Variants in NFKB1 observed in about 807,000 individuals in gnomAD.
NFKB1 encodes nuclear factor NF-kappa-B p105 subunit.
NFKB1 carries 9 observed loss-of-function variants against 105.1 expected under a neutral mutation model. The ratio of observed to expected loss-of-function variants is 0.09; its 90% CI spans 0.05 to 0.15. The LOEUF (loss-of-function observed/expected upper bound fraction) is 0.15. NFKB1 is among the 10% of genes least tolerant of loss of function. The pLI, the probability that NFKB1 is intolerant of heterozygous loss-of-function variation, is 1.00. For synonymous variants in NFKB1, 440 were observed against 442.2 expected, an observed-to-expected ratio of 1.00 and a Z score of 0.06; for missense variants, 830 against 1,203.7, an observed-to-expected ratio of 0.69 and a Z score of 4.59.
intron 5 of NFKB1, among the ~76,000 whole-genome samples, chr4:102,542,997 A>G (rs1042995512): frequency 1.3e-5 from 2 of 152,162 alleles, no homozygotes; most frequent in African/African-American, 4.8e-5. Flanking sequence ...CTGCCTATAA[A>G]ATTTCCCTTT....
At chr4:102,580,912 T>C (rs1725268240) in intron 9 of NFKB1, among the ~76,000 whole-genome samples, 1 of 152,366 alleles carries the variant, frequency 6.6e-6, no homozygotes, top group South Asian at 2.1e-4. Flanking sequence ...TCAGTATCTT[T>C]ATACATTAAA....
chr4:102,548,969 T>C (rs928490336), intron 5 of NFKB1, among the ~76,000 whole-genome samples: 2 of 152,118 alleles, frequency 1.3e-5, no homozygotes, highest in Admixed American at 6.6e-5. Context: ...ATGTGAATTC[T>C]GGGGGTACAC....
intron 1 of NFKB1, among the ~76,000 whole-genome samples, chr4:102,516,025 C>A (rs1349879134): frequency 6.6e-6 from 1 of 151,472 alleles, no homozygotes; most frequent in African/African-American, 2.4e-5. Context: ...CTGGACCAAT[C>A]TTTTTTTTTC....
rs190582302 is a variant in NFKB1, at chr4:102,515,862, C to T, written c.-7-9650C>T. ...TATTGATGCTTTTTATTCTTTCATA[C>T]AGGTCCAAGTGTCTATCATTTCCCT... On this transcript the variant is annotated intron_variant, in intron 1 of 23. Coordinates refer to ENST00000226574, the MANE Select transcript of NFKB1 (RefSeq NM_003998.4). 4.3e-4 allele frequency among the ~76,000 whole-genome samples: 66 copies of T among 152,290 alleles called. 1 individual carries two copies. Among genetic ancestry groups the T allele is most frequent in the Admixed American group, 3.5e-3 (54 of 15,298 alleles).
intron 1 of NFKB1, among the ~76,000 whole-genome samples, chr4:102,513,574 C>T (rs982972736): frequency 6.6e-6 from 1 of 152,098 alleles, no homozygotes; most frequent in African/African-American, 2.4e-5. Flanking sequence ...TCCCTGTCCC[C>T]CATGATTATA....
intron 16 of NFKB1, among the ~76,000 whole-genome samples, chr4:102,604,774 T>C (rs3774967): frequency 0.31 from 47,455 of 151,626 alleles, 7,787 homozygotes; most frequent in East Asian, 0.42. Flanking sequence ...TGGATTTGTG[T>C]CAGAATTTCA....
chr4:102,585,217 G>C (rs1610152), intron 11 of NFKB1, among the ~76,000 whole-genome samples: 8,918 of 152,186 alleles, frequency 0.059, 296 homozygotes, highest in African/African-American at 0.095. Context: ...AAGAGGACAA[G>C]CTAATTAGAA....
At chr4:102,555,701 G>C (rs577296185) in intron 5 of NFKB1, among the ~76,000 whole-genome samples, 3 of 152,202 alleles carry the variant, frequency 2.0e-5, no homozygotes, top group Admixed American at 2.0e-4. Flanking sequence ...CTCTGAGATC[G>C]AATGGAGAAT....
At chr4:102,571,515 G>A (rs1374086272) in intron 6 of NFKB1, among the ~76,000 whole-genome samples, 1 of 152,054 alleles carries the variant, frequency 6.6e-6, no homozygotes, top group Non-Finnish European at 1.5e-5. Flanking sequence ...CTTCTCCGCA[G>A]CAAAAGAAAC....
chr4:102,507,224 C>T (rs1467917067), intron 1 of NFKB1, among the ~76,000 whole-genome samples: 1 of 151,936 alleles, frequency 6.6e-6, no homozygotes, highest in Non-Finnish European at 1.5e-5. Context: ...AGGCACTCTG[C>T]CTGTGACTTC....
In NFKB1 at chr4:102,579,000, C is replaced by G; in HGVS notation, c.691C>G (p.Arg231Gly). 6.2e-7 allele frequency: 1 copy of G among 1,614,068 alleles called. No homozygotes were observed. Among genetic ancestry groups the G allele is most frequent in the Non-Finnish European group, 8.5e-7 (1 of 1,179,990 alleles). ...LPDSTGSFTR[R>G]LEPVVSDAIY... ...GGATAGCACTGGCAGCTTCACAAGG[C>G]GCCTGGAACCCGTGGTATCAGACGC... Residue 231 changes from arginine (R) to glycine (G), a missense_variant, in exon 8 of 24, where the codon CGC (arginine) becomes GGC (glycine). Around this residue, in one of 8 missense-constraint regions of NFKB1, gnomAD observed 80 missense variants for 122.6 expected, o/e 0.65. Transcript: ENST00000226574.
intron 11 of NFKB1, among the ~76,000 whole-genome samples, chr4:102,586,824 G>A (rs1725747897): frequency 1.3e-5 from 2 of 152,204 alleles, no homozygotes; most frequent in Admixed American, 6.5e-5. Context: ...AACCGCAAAG[G>A]TGCAGCAGCA....
intron 1 of NFKB1, among the ~76,000 whole-genome samples, chr4:102,511,424 C>T (rs1413879134): frequency 6.6e-6 from 1 of 152,158 alleles, no homozygotes; most frequent in Non-Finnish European, 1.5e-5. Flanking sequence ...TCTGTAATCC[C>T]AGTACTTCAG....
chr4:102,515,336 T>C (rs878953323), intron 1 of NFKB1, among the ~76,000 whole-genome samples: 2 of 151,476 alleles, frequency 1.3e-5, no homozygotes, highest in East Asian at 3.9e-4. Context: ...GGTCTCGATC[T>C]CCTGACCTCG....
chr4:102,573,553 C>T (rs1308361609), intron 6 of NFKB1, among the ~76,000 whole-genome samples: 9 of 151,886 alleles, frequency 5.9e-5, no homozygotes, highest in East Asian at 1.9e-4. Flanking sequence ...TGGGGTTCAT[C>T]GAGATCCTTA....
At chr4:102,609,153 T>A (rs1728123178) in intron 19 of NFKB1, among the ~76,000 whole-genome samples, 2 of 71,474 alleles carry the variant, frequency 2.8e-5, no homozygotes, top group Non-Finnish European at 6.2e-5. Context: ...AATAAGACCC[T>A]GTCTCAAAAA....
chr4:102,569,515 A>G (rs1724146585), intron 6 of NFKB1, among the ~76,000 whole-genome samples: 1 of 152,156 alleles, frequency 6.6e-6, no homozygotes, highest in Admixed American at 6.5e-5. Flanking sequence ...TTAGGAAGAT[A>G]GCCAAAATTA....
At chr4:102,526,498 A>G (rs1257212020) in intron 2 of NFKB1, among the ~76,000 whole-genome samples, 3 of 152,170 alleles carry the variant, frequency 2.0e-5, no homozygotes, top group African/African-American at 7.2e-5. Context: ...CCATCAATTT[A>G]TACCAAAAAA....
intron 5 of NFKB1, among the ~76,000 whole-genome samples, chr4:102,551,515 A>G (rs1297893945): frequency 1.3e-5 from 2 of 152,172 alleles, no homozygotes; most frequent in African/African-American, 2.4e-5. Context: ...TTCTCAAACT[A>G]GAAACTAGAG....
Sources: allele counts gnomAD v4.1 joint callset (sites outside exome capture counted in the v4.1 genomes callset), GRCh38; gene constraint gnomAD v4.1.1; regional missense constraint gnomAD v4.1.1; transcripts MANE v1.5; gene names NCBI Gene and HGNC (gene_info 2026-07-23, HGNC 2026-07-21).